Variants in CDC42BPA observed in about 807,000 individuals in gnomAD.
The protein encoded by CDC42BPA is CDC42 binding protein kinase alpha, also known as serine/threonine-protein kinase MRCK alpha.
In CDC42BPA, 80 loss-of-function variants were observed where a neutral mutation model predicts 223.5. The observed-to-expected ratio is 0.36, with a 90% CI of 0.30 to 0.43. The LOEUF (loss-of-function observed/expected upper bound fraction) is 0.43. Among genes scored for constraint, CDC42BPA ranks in the 20% least tolerant of loss-of-function variants. The probability of loss-of-function intolerance (pLI) is 1.00; values close to 1 mark genes in which losing one functional copy is unlikely to be tolerated. For synonymous variants in CDC42BPA, 694 were observed against 718.6 expected (o/e 0.97, Z 0.55); for missense variants, 1,743 against 2,099.9 (o/e 0.83, Z 3.32).
chr1:227,077,551 T>C (rs1315938132), intron 17 of CDC42BPA, among the ~76,000 whole-genome samples: 1 of 152,196 alleles, frequency 6.6e-6, no homozygotes, highest in African/African-American at 2.4e-5. Flanking sequence ...ACCATCCTCC[T>C]TCTTTCTTGT....
At chr1:227,208,832 G>A (rs1381343274) in intron 3 of CDC42BPA, among the ~76,000 whole-genome samples, 9 of 152,082 alleles carry the variant, frequency 5.9e-5, no homozygotes, top group Non-Finnish European at 1.2e-4. Flanking sequence ...TTGCCTTGGC[G>A]ATGCGGGCTC....
intron 2 of CDC42BPA, among the ~76,000 whole-genome samples, chr1:227,216,221 C>T (rs1674817591): frequency 6.6e-6 from 1 of 152,022 alleles, no homozygotes; most frequent in Non-Finnish European, 1.5e-5. Flanking sequence ...TTTCTACTTG[C>T]TTTTCTACAT....
intron 2 of CDC42BPA, chr1:227,235,159 A>T (rs908136214): frequency 2.0e-5 from 3 of 152,192 alleles, no homozygotes; most frequent in African/African-American, 7.2e-5. Flanking sequence ...CACCAAAGAA[A>T]TGAGGAGAAC....
intron 2 of CDC42BPA, among the ~76,000 whole-genome samples, chr1:227,217,447 C>CAAA (rs34258602): frequency 7.3e-6 from 1 of 136,222 alleles, no homozygotes; most frequent in Admixed American, 7.3e-5. Flanking sequence ...GACTCTGTCT[C>CAAA]AAAAAAAAAA....
At chr1:227,308,411 G>A (rs72759337) in intron 1 of CDC42BPA, among the ~76,000 whole-genome samples, 30,525 of 151,258 alleles carry the variant, frequency 0.2, 3,133 homozygotes, top group Middle Eastern at 0.26. Context: ...TTGGGAGGCT[G>A]AGGCAGAAGA....
intron 10 of CDC42BPA, among the ~76,000 whole-genome samples, chr1:227,135,896 A>G (rs1658461934): frequency 6.9e-6 from 1 of 144,038 alleles, no homozygotes; most frequent in African/African-American, 2.6e-5. Context: ...AAAAAAAAAA[A>G]AAAAAAGCAA....
chr1:227,029,274 T>G, intron 29 of CDC42BPA, 24 bp from the exon 30 acceptor site: 1 of 1,418,000 alleles, frequency 7.1e-7, no homozygotes, highest in East Asian at 2.4e-5. Flanking sequence ...GAATAATAAA[T>G]CAAAATATAG....
chr1:227,261,528 A>C (rs529455705), intron 1 of CDC42BPA, among the ~76,000 whole-genome samples: 4 of 145,406 alleles, frequency 2.8e-5, no homozygotes, highest in African/African-American at 5.7e-5. Flanking sequence ...GAAATGCTAA[A>C]TAAAACAAAC....
In CDC42BPA at chr1:227,051,886, C is replaced by T. The variant is rs755920548; in HGVS notation, c.3004G>A (p.Val1002Ile). The change falls in exon 22 of 37, where the codon GTT (valine) becomes ATT (isoleucine). Residue 1002 changes from valine (V) to isoleucine (I), a missense_variant. Val to Ile is a conservative substitution (Grantham distance 29). Around this residue, in one of 6 missense-constraint regions of CDC42BPA, gnomAD observed 678 missense variants for 777.5 expected, o/e 0.87. Transcript: ENST00000366766. Reference protein sequence around the residue: ...SPSTSSEAEPVKTVDSTPLSV... With the variant: ...SPSTSSEAEPIKTVDSTPLSV... ...GGGATGCTCCAATAAGGCACCTTAA[C>T]TGGCTCAGCTTCACTAGATGTGGAA... is the stretch of plus-strand genomic sequence containing the variant. 1 of 1,365,520 alleles carries T rather than the reference C, an allele frequency of 7.3e-7. No homozygotes were observed. Among genetic ancestry groups the T allele is most frequent in the South Asian group, 1.1e-5 (1 of 88,024 alleles). 84.6% of individuals were successfully genotyped at this position (1,365,520 alleles called of 1,614,324 possible).
chr1:227,136,227 TA>T (rs996155277), intron 10 of CDC42BPA, among the ~76,000 whole-genome samples: 2 of 151,996 alleles, frequency 1.3e-5, no homozygotes, highest in African/African-American at 2.4e-5. Context: ...AATCCTTAAC[TA>T]AAAAAGACAA....
intron 11 of CDC42BPA, among the ~76,000 whole-genome samples, chr1:227,122,137 C>T (rs766490409): frequency 2.6e-5 from 4 of 152,120 alleles, no homozygotes; most frequent in Non-Finnish European, 5.9e-5. Flanking sequence ...TATTAATTTA[C>T]TTTTGTTATT....
intron 6 of CDC42BPA, among the ~76,000 whole-genome samples, chr1:227,157,491 T>G (rs1473856716): frequency 1.3e-5 from 2 of 152,224 alleles, no homozygotes; most frequent in Non-Finnish European, 2.9e-5. Flanking sequence ...GTAATATGTC[T>G]TTCCTTCTGG....
chr1:227,024,697 T>C (rs1667939836), intron 31 of CDC42BPA, among the ~76,000 whole-genome samples: 2 of 152,194 alleles, frequency 1.3e-5, no homozygotes, highest in African/African-American at 4.8e-5. Context: ...CTATATATTA[T>C]AACATTTTCA....
chr1:227,291,155 A>G (rs933800674), intron 1 of CDC42BPA, among the ~76,000 whole-genome samples: 2 of 152,190 alleles, frequency 1.3e-5, no homozygotes, highest in Non-Finnish European at 2.9e-5. Flanking sequence ...CTTCCATGAA[A>G]TAAGAGGGCT....
chr1:227,242,579 G>A (rs1013371718), intron 2 of CDC42BPA, among the ~76,000 whole-genome samples: 1 of 151,928 alleles, frequency 6.6e-6, no homozygotes, highest in Non-Finnish European at 1.5e-5. Flanking sequence ...TATTTTTAAA[G>A]CCAATTGTAT....
At chr1:227,131,462 T>C (rs551148181) in intron 10 of CDC42BPA, among the ~76,000 whole-genome samples, 1 of 152,204 alleles carries the variant, frequency 6.6e-6, no homozygotes, top group African/African-American at 2.4e-5. Flanking sequence ...AAATGAAAGA[T>C]GTATGAAACT....
intron 1 of CDC42BPA, among the ~76,000 whole-genome samples, chr1:227,283,903 C>T (rs1485598038): frequency 6.6e-6 from 1 of 152,016 alleles, no homozygotes; most frequent in African/African-American, 2.4e-5. Flanking sequence ...CGGGATTTTG[C>T]CCAAATTAGC....
rs138143315 is a variant in CDC42BPA at position 227,174,860 on chromosome 1, C to G, written c.600-14224G>C. On this transcript the variant is annotated intron_variant, in intron 5 of 36. Coordinates refer to ENST00000366766, the MANE Select transcript of CDC42BPA (RefSeq NM_001394014.1). ...AGCACGTATATTCCACTAAGTTTCA[C>G]TAAGTTTCATGTAACCTGCTTGCCC... 3.7e-3 allele frequency among the ~76,000 whole-genome samples: 564 copies of G among 152,300 alleles called. 3 individuals carry two copies. Among genetic ancestry groups the G allele is most frequent in the African/African-American group, 0.013 (545 of 41,574 alleles).
chr1:227,276,998 C>A (rs1687201232), intron 1 of CDC42BPA, among the ~76,000 whole-genome samples: 1 of 151,676 alleles, frequency 6.6e-6, no homozygotes, highest in African/African-American at 2.4e-5. Flanking sequence ...TGTTTATCTG[C>A]TAACCTTCCC....
Sources: allele counts gnomAD v4.1 joint callset (sites outside exome capture counted in the v4.1 genomes callset), GRCh38; gene constraint gnomAD v4.1.1; regional missense constraint gnomAD v4.1.1; transcripts MANE v1.5; gene names NCBI Gene and HGNC (gene_info 2026-07-23, HGNC 2026-07-21).